The following TNFRSF9 variants were observed in gnomAD, a reference collection of about 807,000 sequenced individuals.
TNFRSF9 encodes TNF receptor superfamily member 9.
In TNFRSF9, 16 loss-of-function variants were observed where a neutral mutation model predicts 28.8. That is an observed-to-expected ratio of 0.55 (90% CI 0.38 to 0.84). The LOEUF (loss-of-function observed/expected upper bound fraction) is 0.84. Among genes scored for constraint, TNFRSF9 ranks in the 40% least tolerant of loss-of-function variants. TNFRSF9 has a pLI of 0.00. For synonymous variants in TNFRSF9, 131 were observed against 117.0 expected, an observed-to-expected ratio of 1.12 and a Z score of -0.77; for missense variants, 303 against 315.0, an observed-to-expected ratio of 0.96 and a Z score of 0.29.
rs144772280 is a variant in TNFRSF9, at chr1:7,935,051, G to A, written c.506C>T (p.Ala169Val). 3.8e-5 allele frequency: 62 copies of A among 1,614,146 alleles called. No homozygotes were observed. In the African/African-American group the frequency reaches 7.9e-4, roughly 20 times the overall value. Residue 169 changes from alanine to valine, a missense_variant, in exon 6 of 8, where the codon GCA becomes GTA. Ala to Val is a moderately conservative substitution (Grantham distance 64). Transcript: ENST00000377507. The stretch of plus-strand genomic sequence containing the variant: ...AGGGGCAGGCGGGGTCACAGAGGAT[G>A]CTCCCGGAGAGAGGTCGGCTGGAGA... ...GPSPADLSPG[A>V]SSVTPPAPAR... is the part of the protein sequence containing the mutation.
chr1:7,919,639 A>C lies in TNFRSF9; in HGVS notation c.*1196T>G, dbSNP rs955620458. On this transcript the variant is annotated 3_prime_UTR_variant, in exon 8 of 8. Transcript: ENST00000377507. ...TGGATCACTTGAGCCCAGGAGTTTA[A>C]GGCTAAAGTGTGCTATGATTGTGCC... 1 of 152,230 alleles carries C rather than the reference A, an allele frequency of 6.6e-6. No homozygotes were observed. The highest frequency in any genetic ancestry group is 1.5e-5 in the Non-Finnish European group (1 of 68,068). 9.4% of individuals were successfully genotyped at this position (152,230 alleles called of 1,614,324 possible). A position where few individuals can be genotyped will look rare whatever the true frequency, so the allele number is the denominator to read the frequency against.
At chr1:7,937,063 G>A (rs1465063175) in intron 5 of TNFRSF9, among the ~76,000 whole-genome samples, 9 of 152,204 alleles carry the variant, frequency 5.9e-5, no homozygotes. Flanking sequence ...ATCATTCTAG[G>A]GGCTGGCATT....
intron 6 of TNFRSF9, 112 bp downstream of exon 6, chr1:7,934,901 G>T (rs1210531902): frequency 1.4e-6 from 2 of 1,393,902 alleles, no homozygotes; most frequent in African/African-American, 1.4e-5. Flanking sequence ...GATTCAGGAA[G>T]AATGCACGTG....
intron 7 of TNFRSF9, among the ~76,000 whole-genome samples, chr1:7,923,469 G>C (rs1639592554): frequency 6.6e-6 from 1 of 152,138 alleles, no homozygotes; most frequent in Non-Finnish European, 1.5e-5. Context: ...ACCCCTGCCT[G>C]GCCGTAACGA....
In TNFRSF9 at chr1:7,935,053, T is replaced by C. The variant is rs1639797035; in HGVS notation, c.504A>G (p.Gly168=). Residue 168 remains glycine, a synonymous_variant, in exon 6 of 8, where the codon GGA becomes GGG. Transcript: ENST00000377507. The part of the protein sequence containing the change: ...CGPSPADLSP[G]ASSVTPPAPA... ...GGGCAGGCGGGGTCACAGAGGATGC[T>C]CCCGGAGAGAGGTCGGCTGGAGATG... 6.2e-7 allele frequency: 1 copy of C among 1,614,066 alleles called. No individual in the cohort carries two copies. The highest frequency in any genetic ancestry group is 1.3e-5 in the African/African-American group (1 of 74,934).
intron 5 of TNFRSF9, among the ~76,000 whole-genome samples, chr1:7,937,457 C>T (rs1022812531): frequency 1.3e-5 from 2 of 152,176 alleles, no homozygotes; most frequent in African/African-American, 4.8e-5. Flanking sequence ...CTGCACGTGC[C>T]CAGCCTCCAC....
chr1:7,938,075 T>C (rs1483997642), intron 4 of TNFRSF9, 118 bp downstream of exon 4: 3 of 841,460 alleles, frequency 3.6e-6, no homozygotes, highest in Non-Finnish European at 3.5e-6. Context: ...ATATATCATA[T>C]ACTCCCTTGT....
chr1:7,939,876 A>C lies in TNFRSF9; in HGVS notation c.100+19T>G, dbSNP rs374144124. The C allele has an allele frequency of 2.5e-6, 4 of 1,575,270 alleles. No individual in the cohort carries two copies. The highest frequency in any genetic ancestry group is 1.3e-5 in the African/African-American group (1 of 74,348). ...TTCCAACAGAGCAGATCAAATGCAC[A>C]TGATAACTGGGTACTCACCAGCTGG... On this transcript the variant is annotated intron_variant, in intron 2 of 7. Coordinates refer to ENST00000377507, the MANE Select transcript of TNFRSF9 (RefSeq NM_001561.6).
chr1:7,927,781 T>TA (rs1238102030), intron 7 of TNFRSF9, among the ~76,000 whole-genome samples: 1 of 151,772 alleles, frequency 6.6e-6, no homozygotes, highest in Non-Finnish European at 1.5e-5. Context: ...GAAGAATTCT[T>TA]AGACATGACT....
intron 7 of TNFRSF9, chr1:7,921,765 T>C (rs1247331960): frequency 6.6e-6 from 1 of 152,184 alleles, no homozygotes; most frequent in East Asian, 1.9e-4. Context: ...TTATTTGAAA[T>C]TTGTTTCCTC....
At chr1:7,932,491 C>T (rs990373536) in intron 7 of TNFRSF9, among the ~76,000 whole-genome samples, 1 of 152,108 alleles carries the variant, frequency 6.6e-6, no homozygotes. Context: ...TCATGTAATC[C>T]ATACTGGTGC....
At chr1:7,926,506 G>A (rs1025610842) in intron 7 of TNFRSF9, among the ~76,000 whole-genome samples, 2 of 152,142 alleles carry the variant, frequency 1.3e-5, no homozygotes, top group Non-Finnish European at 2.9e-5. Flanking sequence ...CAATTTGCCC[G>A]AAACTGATAT....
chr1:7,927,947 G>A (rs554506114), intron 7 of TNFRSF9, among the ~76,000 whole-genome samples: 2 of 152,170 alleles, frequency 1.3e-5, no homozygotes, highest in Non-Finnish European at 2.9e-5. Flanking sequence ...TGGGAAATAC[G>A]AAGAACTCTT....
intron 7 of TNFRSF9, among the ~76,000 whole-genome samples, chr1:7,931,817 G>C (rs1239195347): frequency 2.0e-5 from 3 of 152,200 alleles, no homozygotes; most frequent in African/African-American, 7.2e-5. Context: ...GCTTTAAAAA[G>C]AGCCTTTAAA....
At chr1:7,937,544 TCA>T in intron 5 of TNFRSF9, 144 bp downstream of exon 5, 1 of 596,018 alleles carries the variant, frequency 1.7e-6, no homozygotes, top group Non-Finnish European at 3.0e-6. Context: ...TGCTACGACC[TCA>T]CAGTGTTCCC....
In TNFRSF9 at chr1:7,935,107, C is replaced by T. The variant is rs1639798382; in HGVS notation, c.450G>A (p.Gly150=). ...CACAGACCACGTCCCTCTCCTTCGT[C>T]CCATTCACAAGCACAGACTTTCCAT... The part of the protein sequence containing the change: ...SLDGKSVLVN[G]TKERDVVCGP... Residue 150 remains glycine, a synonymous_variant, in exon 6 of 8, where the codon GGG becomes GGA. Coordinates refer to ENST00000377507, the MANE Select transcript of TNFRSF9 (RefSeq NM_001561.6). 10 of 1,614,220 alleles carry T rather than the reference C, an allele frequency of 6.2e-6. No homozygotes were observed. The highest frequency in any genetic ancestry group is 6.8e-6 in the Non-Finnish European group (8 of 1,180,026).
chr1:7,938,420 C>T, intron 3 of TNFRSF9, 90 bp from the exon 4 acceptor site: 3 of 1,339,360 alleles, frequency 2.2e-6, no homozygotes, highest in Non-Finnish European at 3.0e-6. Context: ...AAATCATGCT[C>T]ACTCTACTTA....
In TNFRSF9 at chr1:7,933,230, A is replaced by G. The variant is rs1394994901; in HGVS notation, c.611T>C (p.Phe204Ser). 3.7e-6 allele frequency: 6 copies of G among 1,613,946 alleles called. No individual in the cohort carries two copies. Among genetic ancestry groups the G allele is most frequent in the Non-Finnish European group, 5.1e-6 (6 of 1,179,916 alleles). ...AACAGAGAAACGGAGCGTGAGGAAG[A>G]ACAGCAGGAAGAGCAACGCAGTCGA... ...LTSTALLFLL[F>S]FLTLRFSVVK... Residue 204 changes from phenylalanine (F) to serine (S), a missense_variant, in exon 7 of 8, where the codon TTC becomes TCC. By Grantham distance (155) the Phe-to-Ser change is radical. Transcript: ENST00000377507.
intron 7 of TNFRSF9, 36 bp from the exon 8 acceptor site, chr1:7,920,959 G>T: frequency 7.0e-7 from 1 of 1,420,748 alleles, no homozygotes; most frequent in Non-Finnish European, 9.9e-7. Context: ...ATATTTTGTT[G>T]TCTATTTGAA....
Sources: allele counts gnomAD v4.1 joint callset (sites outside exome capture counted in the v4.1 genomes callset), GRCh38; gene constraint gnomAD v4.1.1; transcripts MANE v1.5; gene names NCBI Gene and HGNC (gene_info 2026-07-23, HGNC 2026-07-21).